Variants in MACROD2 observed in about 807,000 individuals in gnomAD.
The protein encoded by MACROD2 is mono-ADP ribosylhydrolase 2.
Under a neutral mutation model 70.4 loss-of-function variants are expected in MACROD2, and 36 were observed. The observed-to-expected ratio is 0.51, with a 90% confidence interval of 0.39 to 0.68. The LOEUF is 0.68. MACROD2 is among the 30% of genes least tolerant of loss of function. The pLI is 0.00. For missense variants in MACROD2, 496 were observed against 538.4 expected (o/e 0.92, Z 0.78); for synonymous variants, 172 against 178.8 (o/e 0.96, Z 0.30).
chr20:15,966,122 AAATG>A (rs1230347630), intron 12 of MACROD2, among the ~76,000 whole-genome samples: 1 of 152,212 alleles, frequency 6.6e-6, no homozygotes, highest in Non-Finnish European at 1.5e-5. Flanking sequence ...TTTTGAGAGG[AAATG>A]AATGGAGAGA....
chr20:15,727,911 C>T (rs1179613272), intron 8 of MACROD2, among the ~76,000 whole-genome samples: 1 of 152,034 alleles, frequency 6.6e-6, no homozygotes, highest in Non-Finnish European at 1.5e-5. Flanking sequence ...TTTGGATGCA[C>T]TTTTGTTTCT....
At chr20:14,978,278 C>G (rs2074760749) in intron 5 of MACROD2, among the ~76,000 whole-genome samples, 1 of 152,120 alleles carries the variant, frequency 6.6e-6, no homozygotes. Context: ...CTATTCAGTA[C>G]TAAATTATTC....
intron 5 of MACROD2, among the ~76,000 whole-genome samples, chr20:14,712,661 A>G (rs2071351606): frequency 6.6e-6 from 1 of 152,204 alleles, no homozygotes; most frequent in Non-Finnish European, 1.5e-5. Context: ...TTTTAATGAG[A>G]AAGGCCAACT....
intron 6 of MACROD2, chr20:15,280,670 G>A (rs945450841): frequency 2.6e-5 from 4 of 152,174 alleles, no homozygotes; most frequent in African/African-American, 9.7e-5. Flanking sequence ...TCTTCATTAG[G>A]CATAAAATTC....
intron 5 of MACROD2, among the ~76,000 whole-genome samples, chr20:15,137,771 A>G (rs2076161604): frequency 6.6e-6 from 1 of 152,174 alleles, no homozygotes; most frequent in Non-Finnish European, 1.5e-5. Flanking sequence ...TTTTAAAAAT[A>G]TGCACATTTA....
At chr20:15,665,205 G>A (rs887234697) in intron 8 of MACROD2, among the ~76,000 whole-genome samples, 10 of 152,148 alleles carry the variant, frequency 6.6e-5, no homozygotes, top group African/African-American at 2.2e-4. Flanking sequence ...TGTTAATTTG[G>A]TCAAGCTTCA....
chr20:15,460,977 C>CATATATATATATATATATATATATAT (rs1157335873), intron 7 of MACROD2, among the ~76,000 whole-genome samples: 4 of 69,752 alleles, frequency 5.7e-5, no homozygotes, highest in South Asian at 6.4e-4. Context: ...TCTCTCTCTC[C>CATATATATATATATATATATATATAT]ATATATATAT....
At chr20:14,122,499 A>G (rs534659511) in intron 3 of MACROD2, among the ~76,000 whole-genome samples, 41 of 152,282 alleles carry the variant, frequency 2.7e-4, no homozygotes, top group Non-Finnish European at 4.6e-4. Context: ...TTAATCTGTA[A>G]CCCTTTTCTC....
intron 8 of MACROD2, among the ~76,000 whole-genome samples, chr20:15,862,227 GTTAAA>G (rs1249576708): frequency 1.3e-5 from 2 of 152,212 alleles, no homozygotes; most frequent in Admixed American, 6.5e-5. Flanking sequence ...TTCCAAGTGT[GTTAAA>G]TTAAAGCAAG....
intron 8 of MACROD2, among the ~76,000 whole-genome samples, chr20:15,823,605 C>G (rs1341574930): frequency 1.3e-5 from 2 of 152,150 alleles, no homozygotes; most frequent in East Asian, 1.9e-4. Flanking sequence ...TCACGGCGTT[C>G]GTAAGTTTCC....
At chr20:14,214,764 T>A (rs2081601430) in intron 3 of MACROD2, among the ~76,000 whole-genome samples, 1 of 151,922 alleles carries the variant, frequency 6.6e-6, no homozygotes, top group African/African-American at 2.4e-5. Context: ...ATCCCACTCT[T>A]TCCCCCAAGT....
intron 6 of MACROD2, among the ~76,000 whole-genome samples, chr20:15,330,859 C>T (rs1308999184): frequency 3.3e-5 from 5 of 151,658 alleles, no homozygotes; most frequent in South Asian, 4.1e-4. Context: ...ATTCTGTTCT[C>T]AGCAAGCTTC....
chr20:14,444,892 A>G (rs2084167047), intron 3 of MACROD2, among the ~76,000 whole-genome samples: 1 of 151,708 alleles, frequency 6.6e-6, no homozygotes, highest in Admixed American at 6.6e-5. Context: ...ATATGTAGAG[A>G]GAGAGAGTTC....
intron 3 of MACROD2, among the ~76,000 whole-genome samples, chr20:14,169,407 C>T (rs542535938): frequency 3.9e-5 from 6 of 152,188 alleles, no homozygotes; most frequent in South Asian, 2.1e-4. Flanking sequence ...TGTGTTCAAG[C>T]GATTCTTCTG....
At chr20:14,982,631 G>A (rs916113348) in intron 5 of MACROD2, among the ~76,000 whole-genome samples, 1 of 152,242 alleles carries the variant, frequency 6.6e-6, no homozygotes, top group African/African-American at 2.4e-5. Flanking sequence ...CAAACCTCAA[G>A]CCTTGGCAGC....
intron 8 of MACROD2, among the ~76,000 whole-genome samples, chr20:15,587,672 C>T (rs1568913008): frequency 6.6e-6 from 1 of 152,154 alleles, no homozygotes; most frequent in Admixed American, 6.5e-5. Context: ...GGATACAGGG[C>T]CCATGCAAGT....
At chr20:14,985,546 C>T (rs1304533171) in intron 5 of MACROD2, among the ~76,000 whole-genome samples, 2 of 152,108 alleles carry the variant, frequency 1.3e-5, no homozygotes, top group Non-Finnish European at 2.9e-5. Context: ...CAGGGCTACT[C>T]ATAAAAGGCT....
chr20:15,765,874 T>C (rs1449547751), intron 8 of MACROD2, among the ~76,000 whole-genome samples: 2 of 151,528 alleles, frequency 1.3e-5, no homozygotes, highest in Non-Finnish European at 2.9e-5. Context: ...TTTTATACTT[T>C]CAAGAAAAGC....
chr20:14,751,826 A>G (rs1056612145), intron 5 of MACROD2, among the ~76,000 whole-genome samples: 2 of 117,838 alleles, frequency 1.7e-5, no homozygotes, highest in African/African-American at 6.0e-5. Flanking sequence ...GTGAAACTGC[A>G]AAGTCACACA....
Sources: allele counts gnomAD v4.1 joint callset (sites outside exome capture counted in the v4.1 genomes callset), GRCh38; gene constraint gnomAD v4.1.1; transcripts MANE v1.5; gene names NCBI Gene and HGNC (gene_info 2026-07-23, HGNC 2026-07-21).